Variants in WFDC1 observed in about 807,000 individuals in gnomAD.
WFDC1 encodes WAP four-disulfide core domain 1, also known as WAP four-disulfide core domain protein 1.
WFDC1 carries 39 observed loss-of-function variants against 32.9 expected under a neutral mutation model. The observed-to-expected ratio is 1.19, with a 90% confidence interval of 0.92 to 1.55. The LOEUF (loss-of-function observed/expected upper bound fraction) is 1.55, where lower values mean the gene tolerates loss of function less well. Among genes scored for constraint, WFDC1 ranks in the 40% most tolerant of loss-of-function variants. The pLI, the probability that WFDC1 is intolerant of heterozygous loss-of-function variation, is 0.00. For missense variants in WFDC1, 386 were observed against 309.5 expected, an observed-to-expected ratio of 1.25 and a Z score of -1.85; for synonymous variants, 184 against 137.4, an observed-to-expected ratio of 1.34 and a Z score of -2.37.
rs114931796 is a variant in WFDC1, at chr16:84,309,089, C to G, written c.145-3872C>G. Reference sequence around the variant, plus strand: ...GAACCAAGGCCGTTAGCTGTGGAGCCCGCTCTGGTTGCCCGTCTGCTCTGC... The same window carrying G: ...GAACCAAGGCCGTTAGCTGTGGAGCGCGCTCTGGTTGCCCGTCTGCTCTGC... On this transcript the variant is annotated intron_variant, in intron 1 of 6. Coordinates refer to ENST00000219454, the MANE Select transcript of WFDC1 (RefSeq NM_021197.4). Among the ~76,000 whole-genome samples, 691 of 152,300 alleles carry G rather than the reference C, an allele frequency of 4.5e-3. 4 individuals carry two copies. Among genetic ancestry groups the G allele is most frequent in the African/African-American group, 0.016 (669 of 41,562 alleles).
chr16:84,326,450 A>C, intron 5 of WFDC1: 1 of 173,430 alleles, frequency 5.8e-6, no homozygotes, highest in Non-Finnish European at 1.3e-5. Context: ...ATTTTATGAG[A>C]ATAGTGACAA....
At chr16:84,305,351 C>T (rs747159702) in intron 1 of WFDC1, among the ~76,000 whole-genome samples, 8 of 152,230 alleles carry the variant, frequency 5.3e-5, no homozygotes, top group Non-Finnish European at 1.0e-4. Flanking sequence ...TCAGGTGGTC[C>T]TCCGAGGGCA....
intron 5 of WFDC1, chr16:84,325,804 A>G (rs1306850788): frequency 6.6e-6 from 1 of 151,804 alleles, no homozygotes; most frequent in East Asian, 1.9e-4. Context: ...TTATCCCTCC[A>G]TCCAACCATC....
At chr16:84,326,823 G>GA in intron 5 of WFDC1, 59 bp from the exon 6 acceptor site, 1 of 1,606,412 alleles carries the variant, frequency 6.2e-7, no homozygotes, top group South Asian at 1.1e-5. Flanking sequence ...GTGAGCCACG[G>GA]GGGGCATTAG....
intron 1 of WFDC1, among the ~76,000 whole-genome samples, chr16:84,312,435 T>C (rs565802904): frequency 2.7e-4 from 41 of 152,260 alleles, no homozygotes; most frequent in Non-Finnish European, 8.8e-5. Context: ...TCTGGCTTTT[T>C]TCCTTTCTTT....
rs1032966420 is a variant in WFDC1 at position 84,295,416 on chromosome 16, C to T, written c.144+301C>T. 2.0e-5 allele frequency: 10 copies of T among 489,538 alleles called. No homozygotes were observed. In the Admixed American group the frequency reaches 3.0e-4, roughly 15 times the overall value. The allele number at this position is 489,538 out of a possible 1,614,324, so 30.3% of individuals were successfully genotyped here. On this transcript the variant is annotated intron_variant, in intron 1 of 6. Coordinates refer to ENST00000219454, the MANE Select transcript of WFDC1 (RefSeq NM_021197.4). ...GCTCCTGAAAGACAGCATCTCATTT[C>T]GGAACCCCAGGATTTAAACGGAGCA... is the stretch of plus-strand genomic sequence containing the variant.
chr16:84,311,882 C>T (rs68173527), intron 1 of WFDC1, among the ~76,000 whole-genome samples: 102,286 of 151,592 alleles, frequency 0.67, 34,919 homozygotes, highest in East Asian at 0.98. Context: ...CATAATACTT[C>T]GGGCCAGGCG....
intron 2 of WFDC1, chr16:84,316,325 T>C (rs1907946278): frequency 6.6e-6 from 1 of 152,238 alleles, no homozygotes. Flanking sequence ...ATCAATATAC[T>C]TTAAAAGATG....
intron 1 of WFDC1, among the ~76,000 whole-genome samples, chr16:84,304,376 C>T (rs1006907180): frequency 6.6e-6 from 1 of 151,850 alleles, no homozygotes; most frequent in Non-Finnish European, 1.5e-5. Context: ...TTATAGGCAC[C>T]CGCCACCACG....
At chr16:84,318,030 C>T (rs1908060415) in intron 2 of WFDC1, 1 of 476,582 alleles carries the variant, frequency 2.1e-6, no homozygotes, top group Non-Finnish European at 3.9e-6. Context: ...CACTGCTGCT[C>T]ACATCTTTGT....
intron 2 of WFDC1, chr16:84,317,869 G>C (rs1025851688): frequency 9.9e-6 from 2 of 201,394 alleles, no homozygotes; most frequent in African/African-American, 4.5e-5. Flanking sequence ...AAGCCATCTA[G>C]GGACCCAGCT....
At chr16:84,296,627 A>C (rs1431685905) in intron 1 of WFDC1, among the ~76,000 whole-genome samples, 1 of 152,194 alleles carries the variant, frequency 6.6e-6, no homozygotes, top group Non-Finnish European at 1.5e-5. Context: ...CATATTCTCC[A>C]TGTTCGGCAC....
Position 84,327,055 on chromosome 16 carries a change from A to G in WFDC1, c.*15+100A>G, listed in dbSNP as rs1043615169. Reference sequence around the variant, plus strand: ...GGTTGAGGAGCAGGAGGGTGAGAGTAGCGCTTTCCCTACTGGTAGAATTTG... The same window carrying G: ...GGTTGAGGAGCAGGAGGGTGAGAGTGGCGCTTTCCCTACTGGTAGAATTTG... On this transcript the variant is annotated intron_variant, in intron 6 of 6. Transcript: ENST00000219454. 5 of 1,166,962 alleles carry G rather than the reference A, an allele frequency of 4.3e-6. No homozygotes were observed. The East Asian group carries it at 9.6e-5, about 22-fold the overall frequency. 72.3% of individuals were successfully genotyped at this position (1,166,962 alleles called of 1,614,324 possible). A position where few individuals can be genotyped will look rare whatever the true frequency, so the allele number is the denominator to read the frequency against.
chr16:84,295,342 T>C (rs1189612380), intron 1 of WFDC1: 2 of 535,466 alleles, frequency 3.7e-6, no homozygotes, highest in East Asian at 3.1e-5. Flanking sequence ...ACATCACAAA[T>C]GTGCCAAAGA....
intron 2 of WFDC1, 29 bp downstream of exon 2, chr16:84,313,182 GA>G: frequency 7.2e-7 from 1 of 1,397,060 alleles, no homozygotes; most frequent in Non-Finnish European, 9.2e-7. Flanking sequence ...GGAGGGGGCT[GA>G]GGGAGGAGGA....
At chr16:84,322,414 C>T in intron 4 of WFDC1, among the ~76,000 whole-genome samples, 1 of 152,102 alleles carries the variant, frequency 6.6e-6, no homozygotes, top group South Asian at 2.1e-4. Context: ...AAGGAAGAAG[C>T]TTTTTATTTA....
chr16:84,299,140 C>G (rs1906782328), intron 1 of WFDC1, among the ~76,000 whole-genome samples: 1 of 152,248 alleles, frequency 6.6e-6, no homozygotes, highest in Non-Finnish European at 1.5e-5. Context: ...GCAGGCAGAT[C>G]TCCTGAGGTC....
chr16:84,302,695 G>T (rs1907014345), intron 1 of WFDC1, among the ~76,000 whole-genome samples: 1 of 152,164 alleles, frequency 6.6e-6, no homozygotes, highest in African/African-American at 2.4e-5. Context: ...AACTGCTTTT[G>T]CAGATGACCA....
At chr16:84,295,674 G>A (rs917498250) in intron 1 of WFDC1, 2 of 154,432 alleles carry the variant, frequency 1.3e-5, no homozygotes, top group Non-Finnish European at 2.9e-5. Flanking sequence ...ACAAACGATG[G>A]CAGTACAAAG....
Sources: gnomAD v4.1 joint callset for allele counts (sites outside exome capture counted in the v4.1 genomes callset) on GRCh38, gnomAD v4.1.1 for gene constraint, MANE v1.5 for transcripts, NCBI Gene and HGNC (gene_info 2026-07-23, HGNC 2026-07-21) for gene names.